SCAF8: variants seen among roughly 807,000 people sequenced by gnomAD.
The protein encoded by SCAF8 is SR-related CTD associated factor 8, also known as SR-related and CTD-associated factor 8.
SCAF8 carries 23 observed loss-of-function variants against 140.5 expected under a neutral mutation model. The ratio of observed to expected loss-of-function variants is 0.16; its 90% confidence interval spans 0.12 to 0.23. The LOEUF (loss-of-function observed/expected upper bound fraction) is 0.23, where lower values mean the gene tolerates loss of function less well. SCAF8 is among the 10% of genes least tolerant of loss of function. The probability of loss-of-function intolerance (pLI) is 1.00; values close to 1 mark genes in which losing one functional copy is unlikely to be tolerated. For missense variants in SCAF8, 1,397 were observed against 1,555.7 expected, an observed-to-expected ratio of 0.90 and a Z score of 1.72; for synonymous variants, 575 against 528.9, an observed-to-expected ratio of 1.09 and a Z score of -1.20.
At position 154,833,321 on chromosome 6, in the gene SCAF8, A is replaced by G. The variant is rs779477726; in HGVS notation, c.3742A>G (p.Lys1248Glu). 1.2e-6 allele frequency: 2 copies of G among 1,614,058 alleles called. No homozygotes were observed. The highest frequency in any genetic ancestry group is 2.2e-5 in the South Asian group (2 of 91,080). ...ACTGACATCTTCAAATGAAATAAAC[A>G]AGGAGAAGAGTGACACAGTTGCTGA... ...EKLTSSNEIN[K>E]EKSDTVADIE... The change falls in exon 20 of 20, where the codon AAG (lysine) becomes GAG (glutamate). Residue 1248 changes from lysine to glutamate, a missense_variant. Coordinates refer to ENST00000367178, the MANE Select transcript of SCAF8 (RefSeq NM_014892.5).
At chr6:154,791,263 T>C (rs1777411348) in intron 4 of SCAF8, among the ~76,000 whole-genome samples, 2 of 152,336 alleles carry the variant, frequency 1.3e-5, no homozygotes, top group South Asian at 4.1e-4. Context: ...ATACTGCTAA[T>C]TATGTTACTA....
chr6:154,794,516 T>C (rs1777528647), intron 5 of SCAF8, among the ~76,000 whole-genome samples: 1 of 152,112 alleles, frequency 6.6e-6, no homozygotes, highest in Non-Finnish European at 1.5e-5. Context: ...CACATAACTT[T>C]TTTCACAGTA....
In SCAF8 at chr6:154,820,322, C is replaced by G; in HGVS notation, c.1781C>G (p.Thr594Ser). The change falls in exon 15 of 20, where the codon ACT (threonine) becomes AGT (serine). Residue 594 changes from threonine (T) to serine (S), a missense_variant. Physicochemically the swap from Thr to Ser is moderately conservative, Grantham distance 58 (BLOSUM62 1). Around this residue, in one of 5 missense-constraint regions of SCAF8, gnomAD observed 930 missense variants for 874.6 expected, o/e 1.06. Coordinates refer to ENST00000367178, the MANE Select transcript of SCAF8 (RefSeq NM_014892.5). ...FAEGGMIDQE[T>S]VNTEWETVKS... is the part of the protein sequence containing the mutation. The stretch of plus-strand genomic sequence containing the variant: ...GAAGGAGGCATGATTGATCAGGAGA[C>G]TGTAAATACTGGTAAGAATTCTAAG... 6.2e-7 allele frequency: 1 copy of G among 1,604,354 alleles called. No individual in the cohort carries two copies. Among genetic ancestry groups the G allele is most frequent in the Non-Finnish European group, 8.5e-7 (1 of 1,177,280 alleles).
intron 1 of SCAF8, among the ~76,000 whole-genome samples, chr6:154,772,158 GTTAA>G (rs201204242): frequency 0.016 from 2,403 of 152,260 alleles, 60 homozygotes; most frequent in African/African-American, 0.055. Flanking sequence ...TAAGTTTGTA[GTTAA>G]TTAACCAAGA....
intron 1 of SCAF8, among the ~76,000 whole-genome samples, chr6:154,752,743 A>G (rs987575219): frequency 2.0e-5 from 3 of 152,124 alleles, no homozygotes; most frequent in Non-Finnish European, 4.4e-5. Flanking sequence ...TTTTTTTGAG[A>G]TGGAGTCTCA....
intron 13 of SCAF8, among the ~76,000 whole-genome samples, chr6:154,818,084 A>G (rs771843596): frequency 2.6e-5 from 4 of 152,214 alleles, no homozygotes; most frequent in Non-Finnish European, 5.9e-5. Context: ...AATATTAGGA[A>G]TAAATTGTTG....
rs1319862070 is a variant in SCAF8 at position 154,776,565 on chromosome 6, C to T, written c.115-1436C>T. Among the ~76,000 whole-genome samples the T allele has an allele frequency of 3.9e-5, 6 of 152,172 alleles. No individual in the cohort carries two copies. In the South Asian group the frequency reaches 6.2e-4, roughly 16 times the overall value. ...CAAAGAACACTGTCAAGGTGTCTTC[C>T]AGAATTGTTCCTTCAATGTGTAGTT... is the stretch of plus-strand genomic sequence containing the variant. On this transcript the variant is annotated intron_variant, in intron 2 of 19. Transcript: ENST00000367178.
At chr6:154,759,329 T>G (rs114611871) in intron 1 of SCAF8, among the ~76,000 whole-genome samples, 174 of 152,354 alleles carry the variant, frequency 1.1e-3, no homozygotes, top group African/African-American at 3.9e-3. Flanking sequence ...AAAGGACTTA[T>G]GCAGATGAGT....
chr6:154,827,286 A>G, intron 18 of SCAF8, 46 bp downstream of exon 18: 2 of 1,296,494 alleles, frequency 1.5e-6, no homozygotes, highest in African/African-American at 1.5e-5. Flanking sequence ...GGTAGTGTTA[A>G]TTTTAGTGTG....
In SCAF8 at chr6:154,753,619, A is replaced by G. The variant is rs189395736; in HGVS notation, c.30+19689A>G. 1.7e-3 allele frequency among the ~76,000 whole-genome samples: 257 copies of G among 152,288 alleles called. 1 individual carries two copies. The highest frequency in any genetic ancestry group is 0.01 in the Middle Eastern group (3 of 294). On this transcript the variant is annotated intron_variant, in intron 1 of 19. Transcript: ENST00000367178. The stretch of plus-strand genomic sequence containing the variant: ...GCGACTCTGCCTCAAAAATAAATAA[A>G]TACATGTATAAAGTGTCTATTTTAT...
In SCAF8 at chr6:154,792,980, T is replaced by C; in HGVS notation, c.475+4T>C. On this transcript the variant is annotated splice_donor_region_variant and intron_variant, in intron 5 of 19. Coordinates refer to ENST00000367178, the MANE Select transcript of SCAF8 (RefSeq NM_014892.5). ...ACTGCTATGAGCAATACTCCAGGTATGTTGCTTTAATATAGATTTGTTGTC... is the reference window on the plus strand; with the variant it reads ...ACTGCTATGAGCAATACTCCAGGTACGTTGCTTTAATATAGATTTGTTGTC... 1 of 1,599,704 alleles carries C rather than the reference T, an allele frequency of 6.3e-7. No homozygotes were observed. The highest frequency in any genetic ancestry group is 8.5e-7 in the Non-Finnish European group (1 of 1,174,308).
chr6:154,774,895 C>A (rs894928485), intron 2 of SCAF8, among the ~76,000 whole-genome samples: 3 of 152,110 alleles, frequency 2.0e-5, no homozygotes, highest in Non-Finnish European at 2.9e-5. Context: ...CCGAGAAGTT[C>A]TTGTCCCCTA....
chr6:154,781,596 A>G (rs551846148), intron 3 of SCAF8, among the ~76,000 whole-genome samples: 1 of 152,342 alleles, frequency 6.6e-6, no homozygotes, highest in African/African-American at 2.4e-5. Flanking sequence ...CTATACTACA[A>G]GGCTACAGTA....
chr6:154,826,706 G>A (rs116362442), intron 17 of SCAF8, among the ~76,000 whole-genome samples: 1,646 of 151,850 alleles, frequency 0.011, 38 homozygotes, highest in African/African-American at 0.034. Context: ...ACATAGACTC[G>A]GTATCTAAAA....
At chr6:154,806,061 A>G (rs1250754400) in intron 9 of SCAF8, among the ~76,000 whole-genome samples, 1 of 152,184 alleles carries the variant, frequency 6.6e-6, no homozygotes, top group Non-Finnish European at 1.5e-5. Context: ...TAAACATCTC[A>G]TGCAGCAGTG....
At chr6:154,814,333 A>T (rs1196753322) in intron 12 of SCAF8, among the ~76,000 whole-genome samples, 2 of 152,228 alleles carry the variant, frequency 1.3e-5, no homozygotes, top group East Asian at 3.8e-4. Context: ...AAACAAACGA[A>T]AAACAAACCT....
rs1778311778 is a variant in SCAF8 at position 154,733,451 on chromosome 6, C to T, written c.-450C>T. The T allele has an allele frequency of 2.9e-6, 4 of 1,386,612 alleles. No individual in the cohort carries two copies. Among genetic ancestry groups the T allele is most frequent in the East Asian group, 3.0e-5 (1 of 32,788 alleles). 85.9% of individuals were successfully genotyped at this position (1,386,612 alleles called of 1,614,324 possible). ...CCGCAGCCGCTGCTGCCAGCGCTTC[C>T]TCCTCTGTCTTCGCCGAGCGGGGCT... On this transcript the variant is annotated 5_prime_UTR_variant, in exon 1 of 20. Transcript: ENST00000367178.
chr6:154,788,706 G>A (rs923095195), intron 4 of SCAF8, among the ~76,000 whole-genome samples: 2 of 152,094 alleles, frequency 1.3e-5, no homozygotes. Context: ...TTCTATTATG[G>A]TAGAATTTTA....
chr6:154,793,466 A>C (rs116138728), intron 5 of SCAF8, among the ~76,000 whole-genome samples: 1,959 of 151,824 alleles, frequency 0.013, 48 homozygotes, highest in African/African-American at 0.045. Flanking sequence ...TTTTTTTCAT[A>C]ATTTTTTCAT....
Sources: allele counts gnomAD v4.1 joint callset (sites outside exome capture counted in the v4.1 genomes callset), GRCh38; gene constraint gnomAD v4.1.1; regional missense constraint gnomAD v4.1.1; transcripts MANE v1.5; gene names NCBI Gene and HGNC (gene_info 2026-07-23, HGNC 2026-07-21).